DDR2: variants seen among roughly 807,000 people sequenced by gnomAD.
DDR2 encodes discoidin domain-containing receptor 2.
In DDR2, 27 loss-of-function variants were observed where a neutral mutation model predicts 94.9. That is an observed-to-expected ratio of 0.28 (90% CI 0.21 to 0.39). DDR2 has a LOEUF of 0.39. Among genes scored for constraint, DDR2 ranks in the 10% least tolerant of loss-of-function variants. The pLI, the probability that DDR2 is intolerant of heterozygous loss-of-function variation, is 1.00. For missense variants in DDR2, 783 were observed against 1,076.0 expected, an observed-to-expected ratio of 0.73 and a Z score of 3.81; for synonymous variants, 382 against 377.2, an observed-to-expected ratio of 1.01 and a Z score of -0.15.
intron 2 of DDR2, among the ~76,000 whole-genome samples, chr1:162,678,421 G>C (rs902225723): frequency 1.3e-5 from 2 of 152,208 alleles, no homozygotes; most frequent in Non-Finnish European, 2.9e-5. Flanking sequence ...GGTTGCTAAA[G>C]GTCTGTCCTA....
chr1:162,676,382 C>A (rs1473439483), intron 2 of DDR2, among the ~76,000 whole-genome samples: 2 of 152,108 alleles, frequency 1.3e-5, no homozygotes, highest in Non-Finnish European at 2.9e-5. Context: ...ATTGTTACAC[C>A]ACTGTTGTTA....
chr1:162,669,283 C>CT (rs1450556744), intron 2 of DDR2, among the ~76,000 whole-genome samples: 2 of 152,006 alleles, frequency 1.3e-5, no homozygotes, highest in African/African-American at 4.8e-5. Flanking sequence ...ATTCACCAAC[C>CT]GGGGAAAAAC....
chr1:162,697,399 A>C (rs1240863530), intron 2 of DDR2, among the ~76,000 whole-genome samples: 1 of 152,162 alleles, frequency 6.6e-6, no homozygotes, highest in Non-Finnish European at 1.5e-5. Flanking sequence ...TTTGCTGAAA[A>C]CTGAAGTGTC....
chr1:162,736,967 T>C (rs1286407753), intron 3 of DDR2, among the ~76,000 whole-genome samples: 1 of 152,230 alleles, frequency 6.6e-6, no homozygotes, highest in Non-Finnish European at 1.5e-5. Flanking sequence ...ATTCCATGTC[T>C]TCACTATTGT....
At chr1:162,632,790 C>T (rs1033066703) in intron 1 of DDR2, among the ~76,000 whole-genome samples, 159 bp downstream of exon 1, 12 of 152,080 alleles carry the variant, frequency 7.9e-5, no homozygotes, top group South Asian at 6.2e-4. Flanking sequence ...ACCACAGACT[C>T]GAGAAATCAG....
chr1:162,783,417 G>C lies in DDR2; in HGVS notation c.*3171G>C, dbSNP rs907821053. 2 of 152,090 alleles carry C rather than the reference G, an allele frequency of 1.3e-5. No individual in the cohort carries two copies. The highest frequency in any genetic ancestry group is 2.9e-5 in the Non-Finnish European group (2 of 68,020). 9.4% of individuals were successfully genotyped at this position (152,090 alleles called of 1,614,324 possible). A position where few individuals can be genotyped will look rare whatever the true frequency, so the allele number is the denominator to read the frequency against. On this transcript the variant is annotated 3_prime_UTR_variant, in exon 18 of 18. Transcript: ENST00000367921. Reference sequence around the variant, plus strand: ...GTGAAAAAAAAGGATACGTGAATGTGCATATGACTGAATAGGGAGGAAGGT... The same window carrying C: ...GTGAAAAAAAAGGATACGTGAATGTCCATATGACTGAATAGGGAGGAAGGT...
intron 14 of DDR2, among the ~76,000 whole-genome samples, chr1:162,774,710 C>A (rs1309754238): frequency 1.3e-5 from 2 of 152,084 alleles, no homozygotes; most frequent in South Asian, 4.1e-4. Flanking sequence ...TCCGTTGTTC[C>A]GATCGGTGAA....
At chr1:162,661,549 G>A (rs879708091) in intron 2 of DDR2, among the ~76,000 whole-genome samples, 1 of 152,170 alleles carries the variant, frequency 6.6e-6, no homozygotes, top group Non-Finnish European at 1.5e-5. Flanking sequence ...AAGAATAGCT[G>A]CGTGTGTACA....
At chr1:162,668,764 T>C (rs1658698482) in intron 2 of DDR2, among the ~76,000 whole-genome samples, 1 of 152,302 alleles carries the variant, frequency 6.6e-6, no homozygotes, top group African/African-American at 2.4e-5. Flanking sequence ...TCAAATAAGA[T>C]TACATTCCTA....
At position 162,785,537 on chromosome 1, in the gene DDR2, T is replaced by C. The variant is rs188030187; in HGVS notation, c.*5291T>C. ...TGGATTACAGTTTTGAGTTTTATGA[T>C]TGACATTTTTAAGTCCCCTATTTAA... On this transcript the variant is annotated 3_prime_UTR_variant, in exon 18 of 18. Coordinates refer to ENST00000367921, the MANE Select transcript of DDR2 (RefSeq NM_006182.4). 264 of 152,306 alleles carry C rather than the reference T, an allele frequency of 1.7e-3. 3 individuals are homozygous for C. The highest frequency in any genetic ancestry group is 5.9e-3 in the African/African-American group (247 of 41,554). 9.4% of individuals were successfully genotyped at this position (152,306 alleles called of 1,614,324 possible). A position where few individuals can be genotyped will look rare whatever the true frequency, so the allele number is the denominator to read the frequency against.
intron 2 of DDR2, among the ~76,000 whole-genome samples, chr1:162,666,041 C>T (rs1658536064): frequency 6.6e-6 from 1 of 152,054 alleles, no homozygotes; most frequent in South Asian, 2.1e-4. Context: ...CCATGTTGGA[C>T]AAAAACCATG....
intron 1 of DDR2, among the ~76,000 whole-genome samples, chr1:162,635,684 A>G (rs191661332): frequency 1.7e-3 from 252 of 152,292 alleles, no homozygotes; most frequent in African/African-American, 5.8e-3. Flanking sequence ...GGCTTCTCTG[A>G]ATGCAGCAAC....
intron 2 of DDR2, among the ~76,000 whole-genome samples, chr1:162,672,298 TAA>T (rs151043002): frequency 0.01 from 1,593 of 152,238 alleles, 27 homozygotes; most frequent in African/African-American, 0.036. Context: ...GTAGTGCTTA[TAA>T]AAAAAAGTCT....
chr1:162,747,017 C>T (rs1426289835), intron 3 of DDR2, among the ~76,000 whole-genome samples: 1 of 152,126 alleles, frequency 6.6e-6, no homozygotes, highest in Admixed American at 6.5e-5. Context: ...TGTAGGTCAC[C>T]ATCATCAAAG....
At chr1:162,748,762 A>C (rs180921344) in intron 3 of DDR2, among the ~76,000 whole-genome samples, 196 of 152,254 alleles carry the variant, frequency 1.3e-3, no homozygotes, top group Middle Eastern at 3.4e-3. Flanking sequence ...GAAGTAAAGC[A>C]CTCCTCAGCA....
chr1:162,689,842 TAAAAA>T (rs1158650637), intron 2 of DDR2, among the ~76,000 whole-genome samples: 1 of 10,924 alleles, frequency 9.2e-5, no homozygotes, highest in Non-Finnish European at 2.5e-4. Context: ...CATCTCTACT[TAAAAA>T]AAAAAAAAAA....
At chr1:162,752,296 G>A (rs1663251724) in intron 3 of DDR2, among the ~76,000 whole-genome samples, 1 of 152,152 alleles carries the variant, frequency 6.6e-6, no homozygotes, top group Non-Finnish European at 1.5e-5. Flanking sequence ...CCTCAACTCA[G>A]GAAATTCTCC....
At position 162,770,341 on chromosome 1, in the gene DDR2, C is replaced by T; in HGVS notation, c.1333C>T (p.Leu445Phe). Reference protein sequence around the residue: ...RMLDDEMTVSLSLPSDSSMFN... With the variant: ...RMLDDEMTVSFSLPSDSSMFN... ...GCTGGATGATGAAATGACAGTCAGC[C>T]TTTCCCTGCCAAGTGATTCTAGCAT... Residue 445 changes from leucine (L) to phenylalanine (F), a missense_variant, in exon 12 of 18, where the codon CTT (leucine) becomes TTT (phenylalanine). Physicochemically the swap from Leu to Phe is conservative, Grantham distance 22 (BLOSUM62 0). Around this residue, in one of 2 missense-constraint regions of DDR2, gnomAD observed 519 missense variants for 647.9 expected, o/e 0.80. Transcript: ENST00000367921. The T allele has an allele frequency of 1.2e-6, 2 of 1,614,086 alleles. No individual in the cohort carries two copies. The highest frequency in any genetic ancestry group is 1.7e-6 in the Non-Finnish European group (2 of 1,180,002).
intron 2 of DDR2, among the ~76,000 whole-genome samples, chr1:162,696,816 C>T (rs894425764): frequency 6.6e-6 from 1 of 152,136 alleles, no homozygotes; most frequent in South Asian, 2.1e-4. Context: ...CGCTGTCTGC[C>T]CAGCCACCAG....
Sources: allele counts gnomAD v4.1 joint callset (sites outside exome capture counted in the v4.1 genomes callset), GRCh38; gene constraint gnomAD v4.1.1; regional missense constraint gnomAD v4.1.1; transcripts MANE v1.5; gene names NCBI Gene and HGNC (gene_info 2026-07-23, HGNC 2026-07-21).